The following KCNH1 variants were observed in gnomAD, a reference collection of about 807,000 sequenced individuals.
The protein encoded by KCNH1 is potassium voltage-gated channel subfamily H member 1, also known as voltage-gated delayed rectifier potassium channel KCNH1.
A neutral mutation model predicts 69.2 loss-of-function variants in KCNH1; 27 were observed. The observed-to-expected ratio is 0.39, with a 90% CI of 0.29 to 0.54. The LOEUF is 0.54. KCNH1 is among the 20% of genes least tolerant of loss of function. The pLI is 0.68. For missense variants in KCNH1, 798 were observed against 1,261.6 expected (o/e 0.63, Z 5.57); for synonymous variants, 456 against 487.7 (o/e 0.93, Z 0.86).
chr1:210,955,055 A>G (rs1363889304), intron 6 of KCNH1, among the ~76,000 whole-genome samples: 2 of 152,200 alleles, frequency 1.3e-5, no homozygotes, highest in East Asian at 3.8e-4. Context: ...TAAGACTTTA[A>G]TCCATCTTGA....
chr1:210,823,041 T>C (rs958758717), intron 7 of KCNH1, among the ~76,000 whole-genome samples: 2 of 152,148 alleles, frequency 1.3e-5, no homozygotes, highest in Non-Finnish European at 2.9e-5. Context: ...CTCCCTGTAT[T>C]ACACAATGAT....
chr1:211,114,037 G>A (rs1691523458), intron 1 of KCNH1, among the ~76,000 whole-genome samples: 1 of 152,006 alleles, frequency 6.6e-6, no homozygotes, highest in Admixed American at 6.5e-5. Flanking sequence ...GAGAATATGT[G>A]TGTTGGATTG....
intron 7 of KCNH1, among the ~76,000 whole-genome samples, chr1:210,892,089 G>A (rs939319148): frequency 6.6e-6 from 1 of 152,034 alleles, no homozygotes; most frequent in African/African-American, 2.4e-5. Context: ...GGGAGGGATA[G>A]CATTAGAAGA....
chr1:210,693,491 T>A (rs926402730), intron 10 of KCNH1, among the ~76,000 whole-genome samples: 3 of 152,160 alleles, frequency 2.0e-5, no homozygotes, highest in African/African-American at 7.2e-5. Context: ...AGACTATGAC[T>A]AAAGCTAATC....
intron 10 of KCNH1, among the ~76,000 whole-genome samples, chr1:210,716,249 C>A (rs959886391): frequency 6.6e-6 from 1 of 151,678 alleles, no homozygotes; most frequent in Non-Finnish European, 1.5e-5. Context: ...CTGGCCAACA[C>A]GGTGAAACCC....
intron 7 of KCNH1, among the ~76,000 whole-genome samples, chr1:210,874,738 A>G (rs1386709382): frequency 6.6e-6 from 1 of 152,254 alleles, no homozygotes; most frequent in Admixed American, 6.5e-5. Flanking sequence ...ACATATATAT[A>G]TCAGCATAGC....
chr1:211,092,197 C>T (rs911788515), intron 3 of KCNH1, among the ~76,000 whole-genome samples: 9 of 152,160 alleles, frequency 5.9e-5, no homozygotes, highest in African/African-American at 2.2e-4. Context: ...ATCTTGGAGA[C>T]GAAAATAGAT....
At chr1:210,838,633 T>C (rs936075399) in intron 7 of KCNH1, among the ~76,000 whole-genome samples, 1 of 152,128 alleles carries the variant, frequency 6.6e-6, no homozygotes, top group Non-Finnish European at 1.5e-5. Context: ...AAACACAACC[T>C]ATAGAATGGG....
intron 1 of KCNH1, among the ~76,000 whole-genome samples, chr1:211,127,100 T>G (rs545396398): frequency 6.6e-6 from 1 of 152,320 alleles, no homozygotes; most frequent in East Asian, 1.9e-4. Context: ...GATTCCTCTG[T>G]TAGACCCAGC....
chr1:211,057,018 CCAAA>C (rs1430901327), intron 5 of KCNH1, among the ~76,000 whole-genome samples: 1 of 152,142 alleles, frequency 6.6e-6, no homozygotes, highest in African/African-American at 2.4e-5. Context: ...GCGACCTCAC[CCAAA>C]CAAACTAAGT....
intron 2 of KCNH1, 33 bp downstream of exon 2, chr1:211,107,221 A>C: frequency 6.2e-7 from 1 of 1,610,856 alleles, no homozygotes; most frequent in Non-Finnish European, 8.5e-7. Context: ...ACCATAATAG[A>C]TTGTTCACCA....
chr1:210,792,471 T>C (rs1324586643), intron 9 of KCNH1, among the ~76,000 whole-genome samples: 1 of 151,526 alleles, frequency 6.6e-6, no homozygotes, highest in Non-Finnish European at 1.5e-5. Context: ...AATCAAAGAG[T>C]CTGGGGCTCA....
intron 5 of KCNH1, among the ~76,000 whole-genome samples, chr1:211,046,665 C>G (rs1690099654): frequency 6.6e-6 from 1 of 152,176 alleles, no homozygotes; most frequent in Non-Finnish European, 1.5e-5. Context: ...ACTCCAGGGT[C>G]CATGCTTTAA....
chr1:211,111,262 C>T (rs1056887147), intron 1 of KCNH1, among the ~76,000 whole-genome samples: 1 of 152,188 alleles, frequency 6.6e-6, no homozygotes, highest in Non-Finnish European at 1.5e-5. Flanking sequence ...CATATTACAG[C>T]CCCATCTAAG....
chr1:210,988,004 C>T (rs562655503), intron 6 of KCNH1, among the ~76,000 whole-genome samples: 2 of 152,322 alleles, frequency 1.3e-5, no homozygotes, highest in South Asian at 2.1e-4. Flanking sequence ...CCCCCAGCCT[C>T]GCTGACACCT....
rs1156729155 is a variant in KCNH1 at position 210,681,912 on chromosome 1, T to A, written c.*1369A>T. On this transcript the variant is annotated 3_prime_UTR_variant, in exon 11 of 11. Coordinates refer to ENST00000271751, the MANE Select transcript of KCNH1 (RefSeq NM_172362.3). ...CACTCCTTTCCTTTCTCAGATGCCA[T>A]TGAGAGAAGCCCAAGCACATGAATA... The A allele has an allele frequency of 6.6e-6, 1 of 152,354 alleles. No homozygotes were observed. Among genetic ancestry groups the A allele is most frequent in the Non-Finnish European group, 1.5e-5 (1 of 68,074 alleles). The allele number at this position is 152,354 out of a possible 1,614,324, so 9.4% of individuals were successfully genotyped here.
At chr1:210,966,403 G>T (rs552923918) in intron 6 of KCNH1, among the ~76,000 whole-genome samples, 1 of 152,176 alleles carries the variant, frequency 6.6e-6, no homozygotes, top group South Asian at 2.1e-4. Flanking sequence ...TTAGACTAAA[G>T]AGCTTCTGCA....
chr1:211,050,056 A>G (rs1028743827), intron 5 of KCNH1, among the ~76,000 whole-genome samples: 2 of 151,866 alleles, frequency 1.3e-5, no homozygotes, highest in African/African-American at 4.8e-5. Flanking sequence ...TACCACCATC[A>G]CCATCATCTA....
At chr1:210,755,650 G>A (rs993705013) in intron 10 of KCNH1, among the ~76,000 whole-genome samples, 1 of 144,200 alleles carries the variant, frequency 6.9e-6, no homozygotes, top group Admixed American at 7.1e-5. Context: ...AGCAGATACC[G>A]GGTTCCTCTT....
Sources: allele counts gnomAD v4.1 joint callset (sites outside exome capture counted in the v4.1 genomes callset), GRCh38; gene constraint gnomAD v4.1.1; transcripts MANE v1.5; gene names NCBI Gene and HGNC (gene_info 2026-07-23, HGNC 2026-07-21).